The following DCDC2 variants were observed in gnomAD, a reference collection of about 807,000 sequenced individuals.
DCDC2 encodes the protein doublecortin domain-containing protein 2.
DCDC2 carries 40 observed loss-of-function variants against 50.2 expected under a neutral mutation model. The ratio of observed to expected loss-of-function variants is 0.80; its 90% CI spans 0.62 to 1.04. The LOEUF (loss-of-function observed/expected upper bound fraction) is 1.04. DCDC2 is among the 50% of genes least tolerant of loss of function. The pLI, the probability that DCDC2 is intolerant of heterozygous loss-of-function variation, is 0.00. For missense variants in DCDC2, 570 were observed against 581.9 expected (o/e 0.98, Z 0.21); for synonymous variants, 234 against 210.6 (o/e 1.11, Z -0.96).
At chr6:24,225,068 G>A (rs6921861) in intron 7 of DCDC2, among the ~76,000 whole-genome samples, 9,996 of 152,182 alleles carry the variant, frequency 0.066, 608 homozygotes, top group East Asian at 0.36. Flanking sequence ...AAAGAGCAAT[G>A]AGAATGAAGA....
At chr6:24,352,289 G>T (rs1760388213) in intron 2 of DCDC2, among the ~76,000 whole-genome samples, 2 of 152,128 alleles carry the variant, frequency 1.3e-5, no homozygotes, top group African/African-American at 4.8e-5. Flanking sequence ...CCAATTTCAT[G>T]CAAGGTAGTA....
intron 8 of DCDC2, among the ~76,000 whole-genome samples, chr6:24,200,626 C>T (rs1272822624): frequency 6.6e-6 from 1 of 152,112 alleles, no homozygotes; most frequent in African/African-American, 2.4e-5. Context: ...ATCATAATGA[C>T]AGGATAAAAT....
chr6:24,215,028 G>T (rs1208151259), intron 7 of DCDC2, among the ~76,000 whole-genome samples: 2 of 152,044 alleles, frequency 1.3e-5, no homozygotes, highest in Admixed American at 1.3e-4. Flanking sequence ...TCTACCGGGG[G>T]GTCACATGGA....
At position 24,212,852 on chromosome 6, in the gene DCDC2, T is replaced by C. The variant is rs572775692; in HGVS notation, c.923-7750A>G. ...CAAAATGAAAGCAGAGCTGCTGAGG[T>C]AGGGAAGTCATATCACCACTGTACT... On this transcript the variant is annotated intron_variant, in intron 7 of 9. Transcript: ENST00000378454. Among the ~76,000 whole-genome samples, 11 of 152,288 alleles carry C rather than the reference T, an allele frequency of 7.2e-5. No individual in the cohort carries two copies. In the South Asian group the frequency reaches 1.4e-3, roughly 20 times the overall value.
the DCDC2 span, among the ~76,000 whole-genome samples, chr6:24,376,772 AG>A: frequency 4.1e-5 from 6 of 147,054 alleles, no homozygotes; most frequent in Non-Finnish European, 8.9e-5. Flanking sequence ...TAATAATGCT[AG>A]AAAAAAAAAG....
chr6:24,207,514 C>G (rs1359451817), intron 7 of DCDC2, among the ~76,000 whole-genome samples: 2 of 152,086 alleles, frequency 1.3e-5, no homozygotes, highest in East Asian at 1.9e-4. Flanking sequence ...TACTATTCAT[C>G]TGATTGATGG....
At chr6:24,373,757 G>A in the DCDC2 span, among the ~76,000 whole-genome samples, 19 of 152,264 alleles carry the variant, frequency 1.2e-4, no homozygotes, top group Non-Finnish European at 2.4e-4. Context: ...GTTCACATAC[G>A]TTTACAAATA....
At chr6:24,224,205 C>T (rs1177248655) in intron 7 of DCDC2, among the ~76,000 whole-genome samples, 13 of 152,162 alleles carry the variant, frequency 8.5e-5, no homozygotes, top group African/African-American at 2.4e-4. Context: ...TCAGTTCATT[C>T]GTTCATTCAT....
intron 6 of DCDC2, among the ~76,000 whole-genome samples, chr6:24,285,338 C>A (rs2113825538): frequency 6.6e-6 from 1 of 152,298 alleles, no homozygotes; most frequent in African/African-American, 2.4e-5. Flanking sequence ...CTTTGCTTAA[C>A]GTCACTTCCT....
intron 8 of DCDC2, among the ~76,000 whole-genome samples, chr6:24,182,744 A>G (rs2113743295): frequency 6.6e-6 from 1 of 152,262 alleles, no homozygotes; most frequent in African/African-American, 2.4e-5. Flanking sequence ...CAGTATGGTC[A>G]TTCCTCAAAA....
intron 8 of DCDC2, among the ~76,000 whole-genome samples, chr6:24,197,427 T>A (rs890441078): frequency 3.9e-5 from 6 of 152,242 alleles, no homozygotes; most frequent in African/African-American, 1.4e-4. Flanking sequence ...TATAAATTAG[T>A]CTTGGTTTCT....
At chr6:24,354,774 T>A (rs793718) in intron 1 of DCDC2, among the ~76,000 whole-genome samples, 145,901 of 152,258 alleles carry the variant, frequency 0.96, 70,067 homozygotes, top group East Asian at 1. Flanking sequence ...TAGAATCCTC[T>A]GCTGTAAAAT....
At chr6:24,205,697 T>C (rs2113762212) in intron 7 of DCDC2, among the ~76,000 whole-genome samples, 1 of 152,358 alleles carries the variant, frequency 6.6e-6, no homozygotes, top group African/African-American at 2.4e-5. Flanking sequence ...AACTATCAAA[T>C]GTAAACTCAA....
chr6:24,349,042 C>G lies in DCDC2; in HGVS notation c.348+4527G>C, dbSNP rs1377918354. 2.6e-5 allele frequency among the ~76,000 whole-genome samples: 4 copies of G among 152,068 alleles called. No individual in the cohort carries two copies. In the South Asian group the frequency reaches 8.3e-4, roughly 32 times the overall value. On this transcript the variant is annotated intron_variant, in intron 2 of 9. Coordinates refer to ENST00000378454, the MANE Select transcript of DCDC2 (RefSeq NM_016356.5). The stretch of plus-strand genomic sequence containing the variant: ...TATTTAAGAATGTCATTAATTCCAC[C>G]TTGAATGGTTATGGAAAAAAAAGAA...
chr6:24,315,974 T>C (rs1416932126), intron 2 of DCDC2, among the ~76,000 whole-genome samples: 10 of 152,136 alleles, frequency 6.6e-5, no homozygotes, highest in African/African-American at 2.4e-4. Flanking sequence ...CCTAGATACA[T>C]GTTTGCAGTA....
At chr6:24,316,080 C>T (rs1471997362) in intron 2 of DCDC2, among the ~76,000 whole-genome samples, 4 of 152,148 alleles carry the variant, frequency 2.6e-5, no homozygotes, top group African/African-American at 9.7e-5. Flanking sequence ...GGACAGAGAA[C>T]ATTTGCACTT....
At chr6:24,264,099 G>GA (rs1036041086) in intron 7 of DCDC2, among the ~76,000 whole-genome samples, 8 of 151,102 alleles carry the variant, frequency 5.3e-5, no homozygotes, top group East Asian at 3.9e-4. Context: ...TTAAAGTGAA[G>GA]AAAAAAAAAC....
At chr6:24,313,200 C>T (rs935650280) in intron 2 of DCDC2, among the ~76,000 whole-genome samples, 1 of 152,144 alleles carries the variant, frequency 6.6e-6, no homozygotes, top group Non-Finnish European at 1.5e-5. Context: ...GCAATGGGCA[C>T]TTACAAGAAA....
upstream of DCDC2, among the ~76,000 whole-genome samples, chr6:24,360,146 G>T (rs1050268750): frequency 6.6e-6 from 1 of 152,214 alleles, no homozygotes. Flanking sequence ...GTTATTTCCC[G>T]CTGTTTCCAT....
Sources: allele counts gnomAD v4.1 joint callset (sites outside exome capture counted in the v4.1 genomes callset), GRCh38; gene constraint gnomAD v4.1.1; transcripts MANE v1.5; gene names NCBI Gene and HGNC (gene_info 2026-07-23, HGNC 2026-07-21).